The following TAF1 variants were observed in gnomAD, a reference collection of about 807,000 sequenced individuals.
The protein encoded by TAF1 is TATA-box binding protein associated factor 1.
TAF1 carries 2 observed loss-of-function variants against 138.5 expected under a neutral mutation model. The ratio of observed to expected loss-of-function variants is 0.01; its 90% CI spans 0.01 to 0.05. The LOEUF is 0.05. Among genes scored for constraint, TAF1 ranks in the 10% least tolerant of loss-of-function variants. The pLI is 1.00. For missense variants in TAF1, 709 were observed against 1,478.0 expected (o/e 0.48, Z 8.53); for synonymous variants, 437 against 503.2 (o/e 0.87, Z 1.76).
At chrX:71,471,381 A>G (rs1430627795) in intron 13 of TAF1, among the ~76,000 whole-genome samples, 1 of 106,933 alleles carries the variant, frequency 9.4e-6, no homozygotes, top group Non-Finnish European at 1.9e-5. Context: ...ACATGAATGG[A>G]ACCCAGATAT....
chrX:71,376,536 G>T (rs1025251795), intron 4 of TAF1, among the ~76,000 whole-genome samples: 2 of 109,460 alleles, frequency 1.8e-5, no homozygotes, highest in Non-Finnish European at 3.8e-5. Flanking sequence ...CTGTCGTGGC[G>T]CATGACTGTA....
intron 28 of TAF1, chrX:71,419,979 C>T (rs1317277958): frequency 7.8e-6 from 2 of 257,283 alleles, no homozygotes; most frequent in African/African-American, 5.6e-5. Flanking sequence ...ACTTTTTTCC[C>T]ATCAAGGTCA....
chrX:71,495,138 C>T (rs1249104362), intron 13 of TAF1, among the ~76,000 whole-genome samples: 2 of 111,793 alleles, frequency 1.8e-5, no homozygotes, highest in African/African-American at 6.5e-5. Context: ...GGGCAATGAC[C>T]GCTCTAACTA....
In TAF1 at chrX:71,389,262, T is replaced by C. The variant is rs28382174; in HGVS notation, c.2701-323T>C. Among the ~76,000 whole-genome samples, 290 of 111,872 alleles carry C rather than the reference T, an allele frequency of 2.6e-3. 1 individual carries two copies. The highest frequency in any genetic ancestry group is 6.3e-3 in the Admixed American group (66 of 10,476). On this transcript the variant is annotated intron_variant, in intron 17 of 37. Transcript: ENST00000423759. ...GGTTTAGAGAAGCACAGAATTCTTA[T>C]AAGGCCAAAAGAGAAAAGGTCCAGC... is the stretch of plus-strand genomic sequence containing the variant.
chrX:71,469,421 C>T (rs898114225), downstream of TAF1, among the ~76,000 whole-genome samples: 7 of 111,000 alleles, frequency 6.3e-5, no homozygotes, highest in Admixed American at 9.6e-5. Flanking sequence ...TGGCTGGGCA[C>T]AGTGACTCAT....
chrX:71,498,782 C>T (rs1401314503), intron 13 of TAF1, among the ~76,000 whole-genome samples: 1 of 111,485 alleles, frequency 9.0e-6, no homozygotes, highest in East Asian at 2.8e-4. Context: ...GACTTTCAGG[C>T]ATAATGAGAA....
intron 13 of TAF1, among the ~76,000 whole-genome samples, chrX:71,510,482 T>G: frequency 8.9e-6 from 1 of 111,975 alleles, no homozygotes; most frequent in East Asian, 2.8e-4. Flanking sequence ...CTTCCATATA[T>G]AGAAAAGCTT....
rs1323357707 is a variant in TAF1, at chrX:71,454,218, G to C, written c.4802G>C (p.Cys1601Ser). Residue 1601 changes from cysteine to serine, a missense_variant, in exon 33 of 38, where the codon TGT becomes TCT. Cys to Ser is a moderately radical substitution (Grantham distance 112). Coordinates refer to ENST00000423759, the MANE Select transcript of TAF1 (RefSeq NM_004606.5). ...TKTAQEIVNV[C>S]YQTLTEYDEH... ...ACTGCCCAGGAGATTGTGAACGTCT[G>C]TTACCAGACATTGACTGAGGTAGGT... is the stretch of plus-strand genomic sequence containing the variant. 6 of 1,210,835 alleles carry C rather than the reference G, an allele frequency of 5.0e-6. No homozygotes were observed. The highest frequency in any genetic ancestry group is 6.7e-6 in the Non-Finnish European group (6 of 894,788).
chrX:71,387,251 C>T lies in TAF1; in HGVS notation c.2227-10C>T, dbSNP rs762107647. The T allele has an allele frequency of 8.3e-7, 1 of 1,211,096 alleles. No homozygotes were observed. The highest frequency in any genetic ancestry group is 1.1e-6 in the Non-Finnish European group (1 of 895,065). ...TCTGTATATAATTTTTGTGTTTTTA[C>T]TTTTGTTAGGCATTTGAGAACAACC... On this transcript the variant is annotated splice_polypyrimidine_tract_variant and intron_variant, in intron 14 of 37. Coordinates refer to ENST00000423759, the MANE Select transcript of TAF1 (RefSeq NM_004606.5).
At chrX:71,388,894 C>T in intron 17 of TAF1, 26 bp downstream of exon 17, 1 of 1,168,555 alleles carries the variant, frequency 8.6e-7, no homozygotes. Flanking sequence ...TTAGACACCA[C>T]TTATGCCTGT....
chrX:71,382,398 G>A (rs776235378), intron 9 of TAF1, 138 bp from the exon 10 acceptor site: 39 of 841,771 alleles, frequency 4.6e-5, no homozygotes, highest in Non-Finnish European at 6.2e-5. Context: ...AAGTTACCTG[G>A]GGGGGGGTGG....
intron 13 of TAF1, among the ~76,000 whole-genome samples, chrX:71,526,936 G>T (rs1175499792): frequency 1.9e-5 from 2 of 107,213 alleles, no homozygotes; most frequent in Non-Finnish European, 3.9e-5. Context: ...GCTGGGTGTG[G>T]TGGCTCGTGG....
At chrX:71,517,360 G>A in intron 13 of TAF1, among the ~76,000 whole-genome samples, 1 of 111,991 alleles carries the variant, frequency 8.9e-6, no homozygotes, top group Non-Finnish European at 1.9e-5. Flanking sequence ...GTAACACAAA[G>A]GATAAATGCT....
chrX:71,463,999 G>C lies in TAF1; in HGVS notation c.5575G>C (p.Asp1859His). 1 of 1,200,741 alleles carries C rather than the reference G, an allele frequency of 8.3e-7. No individual in the cohort carries two copies. Among genetic ancestry groups the C allele is most frequent in the Middle Eastern group, 2.3e-4 (1 of 4,341 alleles). The change falls in exon 38 of 38, where the codon GAT becomes CAT. Residue 1859 changes from aspartate (D) to histidine (H), a missense_variant. Transcript: ENST00000423759. ...GTCAGAGGACGAGGAGGACAGTGAGGATTTCCACTCCATTGCTGGGGACAG... is the reference window on the plus strand; with the variant it reads ...GTCAGAGGACGAGGAGGACAGTGAGCATTTCCACTCCATTGCTGGGGACAG... Reference protein sequence around the residue: ...HLSEDEEDSEDFHSIAGDSDL... With the variant: ...HLSEDEEDSEHFHSIAGDSDL...
chrX:71,518,082 C>A (rs2039855671), intron 13 of TAF1, among the ~76,000 whole-genome samples: 1 of 111,500 alleles, frequency 9.0e-6, no homozygotes, highest in South Asian at 3.8e-4. Context: ...AAACTCCCAT[C>A]TCCACTTAAA....
intron 32 of TAF1, among the ~76,000 whole-genome samples, chrX:71,425,275 A>C (rs906999078): frequency 9.0e-6 from 1 of 111,514 alleles, no homozygotes; most frequent in South Asian, 3.7e-4. Context: ...TAATCTACTG[A>C]TAAGAAAGAC....
intron 13 of TAF1, among the ~76,000 whole-genome samples, chrX:71,512,844 G>C (rs1217920909): frequency 1.8e-5 from 2 of 111,667 alleles, no homozygotes; most frequent in Admixed American, 1.9e-4. Context: ...AGTACATACA[G>C]AATAACTAGG....
At chrX:71,525,304 A>G (rs2039981691) in intron 13 of TAF1, among the ~76,000 whole-genome samples, 1 of 112,038 alleles carries the variant, frequency 8.9e-6, no homozygotes, top group African/African-American at 3.2e-5. Flanking sequence ...GGCCTCCCAA[A>G]GTGCTGGGAT....
chrX:71,491,584 A>C (rs886787111), intron 13 of TAF1: 1 of 110,908 alleles, frequency 9.0e-6, no homozygotes, highest in African/African-American at 3.3e-5. Flanking sequence ...GTTGTTACAC[A>C]TGTCTGCCAA....
Sources: allele counts gnomAD v4.1 joint callset (sites outside exome capture counted in the v4.1 genomes callset), GRCh38; gene constraint gnomAD v4.1.1; transcripts MANE v1.5; gene names NCBI Gene and HGNC (gene_info 2026-07-23, HGNC 2026-07-21).